Variants in NAA11 observed in about 807,000 individuals in gnomAD.
The protein encoded by NAA11 is N-alpha-acetyltransferase 11, NatA catalytic subunit.
NAA11 carries 15 observed loss-of-function variants against 16.1 expected under a neutral mutation model. The observed-to-expected ratio is 0.93, with a 90% CI of 0.62 to 1.44. The LOEUF (loss-of-function observed/expected upper bound fraction) is 1.44. Ranked by LOEUF, NAA11 falls within the 40% of genes most tolerant of loss-of-function variation. NAA11 has a pLI of 0.00. For missense variants in NAA11, 298 were observed against 291.3 expected (o/e 1.02, Z -0.17); for synonymous variants, 122 against 112.4 (o/e 1.09, Z -0.54).
At chr4:79,323,250 G>A (rs1369960453) in intron 1 of NAA11, among the ~76,000 whole-genome samples, 2 of 152,142 alleles carry the variant, frequency 1.3e-5, no homozygotes, top group Admixed American at 6.5e-5. Flanking sequence ...GTAGCTCACC[G>A]ACCCTTGAAA....
chr4:79,236,447 T>C (rs1721570143), intron 2 of NAA11, among the ~76,000 whole-genome samples: 1 of 152,134 alleles, frequency 6.6e-6, no homozygotes, highest in South Asian at 2.1e-4. Context: ...GAAGAATTTG[T>C]AAAATGTATT....
intron 2 of NAA11, among the ~76,000 whole-genome samples, chr4:79,291,895 A>C (rs1181828508): frequency 1.3e-5 from 2 of 152,162 alleles, no homozygotes; most frequent in Non-Finnish European, 2.9e-5. Context: ...CCAAAATTTG[A>C]GATGTGGGTA....
chr4:79,275,241 T>C (rs1412468907), intron 2 of NAA11, among the ~76,000 whole-genome samples: 1 of 152,100 alleles, frequency 6.6e-6, no homozygotes, highest in Admixed American at 6.6e-5. Context: ...AGATGAAATA[T>C]AGTATTATCT....
At chr4:79,225,605 T>C (rs1721291264), downstream of NAA11, 1 of 152,100 alleles carries the variant, frequency 6.6e-6, no homozygotes, top group Non-Finnish European at 1.5e-5. Flanking sequence ...CTTAAAATTA[T>C]GGGTTTAAGA....
chr4:79,183,592 A>G, the NAA11 span, among the ~76,000 whole-genome samples: 1 of 152,108 alleles, frequency 6.6e-6, no homozygotes, highest in African/African-American at 2.4e-5. Context: ...AGATTTTGCT[A>G]GGATGCTCTT....
At chr4:79,168,821 T>C in the NAA11 span, among the ~76,000 whole-genome samples, 2 of 152,236 alleles carry the variant, frequency 1.3e-5, no homozygotes, top group Admixed American at 1.3e-4. Flanking sequence ...TTCTGTAGGT[T>C]GCCTGTTCAC....
the NAA11 span, among the ~76,000 whole-genome samples, chr4:79,188,958 G>A: frequency 1.3e-5 from 2 of 151,594 alleles, no homozygotes; most frequent in Non-Finnish European, 2.9e-5. Context: ...AGGGCCGAGC[G>A]CAGTGGCTCA....
the NAA11 span, among the ~76,000 whole-genome samples, chr4:79,169,862 G>T: frequency 6.6e-6 from 1 of 152,264 alleles, no homozygotes; most frequent in South Asian, 2.1e-4. Context: ...GAGATGACAC[G>T]AATTGTATGT....
chr4:79,284,878 C>CAAAA (rs558413914), intron 2 of NAA11, among the ~76,000 whole-genome samples: 2 of 5,136 alleles, frequency 3.9e-4, no homozygotes, highest in East Asian at 2.7e-3. Flanking sequence ...GACTCCGTCT[C>CAAAA]AAAAAAAAAA....
At chr4:79,244,638 C>CCCCATGTCCCGTCT (rs60096999) in intron 2 of NAA11, 1 of 44,392 alleles carries the variant, frequency 2.3e-5, no homozygotes, top group African/African-American at 5.7e-5. Context: ...CCCTCCCCCT[C>CCCCATGTCCCGTCT]CCCGTCTCCG....
intron 2 of NAA11, among the ~76,000 whole-genome samples, chr4:79,256,277 G>A (rs1406914119): frequency 5.3e-5 from 8 of 151,564 alleles, no homozygotes; most frequent in Non-Finnish European, 1.2e-4. Flanking sequence ...TTTATTTCAC[G>A]TATTTTAAGA....
intron 2 of NAA11, among the ~76,000 whole-genome samples, chr4:79,231,001 T>C (rs568265358): frequency 2.0e-5 from 3 of 152,054 alleles, no homozygotes; most frequent in Non-Finnish European, 4.4e-5. Context: ...TCTTCTTATT[T>C]AATGTGTATC....
intron 2 of NAA11, among the ~76,000 whole-genome samples, chr4:79,287,694 GGA>G (rs143719268): frequency 4.5e-4 from 66 of 145,726 alleles, no homozygotes; most frequent in African/African-American, 8.8e-4. Context: ...AGAGAAAGAG[GGA>G]GAGAGAGAGA....
intron 2 of NAA11, among the ~76,000 whole-genome samples, chr4:79,229,371 A>G (rs1721404390): frequency 2.1e-5 from 3 of 140,858 alleles, no homozygotes; most frequent in Admixed American, 7.5e-5. Context: ...TGAAGTTTAT[A>G]TAAGTGGGAC....
the NAA11 span, among the ~76,000 whole-genome samples, chr4:79,159,473 C>T: frequency 1.3e-5 from 2 of 152,158 alleles, no homozygotes; most frequent in South Asian, 4.1e-4. Context: ...GACATTTCTA[C>T]ACTGCTGGTG....
At chr4:79,312,014 A>T (rs146692425), downstream of NAA11, among the ~76,000 whole-genome samples, 7 of 152,244 alleles carry the variant, frequency 4.6e-5, no homozygotes, top group Non-Finnish European at 1.0e-4. Flanking sequence ...TTTCTTTCAC[A>T]TTAATCTATC....
rs560839105 is a variant in NAA11, at chr4:79,316,866, G to T, written c.*938C>A. On this transcript the variant is annotated 3_prime_UTR_variant, in exon 2 of 2. Coordinates refer to ENST00000286794, the MANE Select transcript of NAA11 (RefSeq NM_032693.3). ...ATTTATAAATAAAATGCAAAGAGTA[G>T]GAACAGAAAAGTAGAAGGAACTTTG... 16 of 152,200 alleles carry T rather than the reference G, an allele frequency of 1.1e-4. No individual in the cohort carries two copies. The highest frequency in any genetic ancestry group is 4.4e-5 in the Non-Finnish European group (3 of 67,992). 9.4% of individuals were successfully genotyped at this position (152,200 alleles called of 1,614,324 possible).
chr4:79,234,454 G>A (rs558251739), intron 2 of NAA11, among the ~76,000 whole-genome samples: 8 of 152,154 alleles, frequency 5.3e-5, no homozygotes, highest in African/African-American at 1.9e-4. Context: ...CGCTTAATTG[G>A]CCAAGAAAAA....
At chr4:79,248,825 A>C (rs1721915449) in intron 2 of NAA11, among the ~76,000 whole-genome samples, 1 of 152,144 alleles carries the variant, frequency 6.6e-6, no homozygotes, top group South Asian at 2.1e-4. Context: ...CTGGCACTGC[A>C]CTGTACCCAC....
Sources: gnomAD v4.1 joint callset for allele counts (sites outside exome capture counted in the v4.1 genomes callset) on GRCh38, gnomAD v4.1.1 for gene constraint, MANE v1.5 for transcripts, NCBI Gene and HGNC (gene_info 2026-07-23, HGNC 2026-07-21) for gene names.